DKK2: variants seen among roughly 807,000 people sequenced by gnomAD.
DKK2 encodes the protein dickkopf Wnt signaling pathway inhibitor 2, also known as dickkopf-related protein 2.
A neutral mutation model predicts 28.1 loss-of-function variants in DKK2; 11 were observed. That is an observed-to-expected ratio of 0.39 (90% CI 0.25 to 0.65). DKK2 has a LOEUF of 0.65. DKK2 is among the 30% of genes least tolerant of loss of function. The pLI, the probability that DKK2 is intolerant of heterozygous loss-of-function variation, is 0.47. For synonymous variants in DKK2, 135 were observed against 126.5 expected, an observed-to-expected ratio of 1.07 and a Z score of -0.45; for missense variants, 326 against 335.5, an observed-to-expected ratio of 0.97 and a Z score of 0.22.
chr4:106,923,972 A>C lies in DKK2; in HGVS notation c.762T>G (p.His254Gln). 1 of 1,613,872 alleles carries C rather than the reference A, an allele frequency of 6.2e-7. No homozygotes were observed. Among genetic ancestry groups the C allele is most frequent in the Non-Finnish European group, 8.5e-7 (1 of 1,179,776 alleles). The change falls in exon 4 of 4, where the codon CAT becomes CAG. Residue 254 changes from histidine to glutamine, a missense_variant. By Grantham distance (24) the His-to-Gln change is conservative. Transcript: ENST00000285311. ...DATYSSKARL[H>Q]VCQKI ...ATGGTGATCAAATTTTCTGACACAC[A>C]TGGAGTCTGGCTTTGGAGGAGTAGG...
At chr4:107,020,782 T>C (rs1055994628) in intron 1 of DKK2, among the ~76,000 whole-genome samples, 44 of 152,114 alleles carry the variant, frequency 2.9e-4, no homozygotes, top group Admixed American at 2.9e-3. Flanking sequence ...TGTGTGTGTC[T>C]CTGTGCGCAC....
At chr4:106,959,268 C>G (rs1483966695) in intron 1 of DKK2, among the ~76,000 whole-genome samples, 1 of 152,052 alleles carries the variant, frequency 6.6e-6, no homozygotes, top group East Asian at 1.9e-4. Context: ...TCCACATCAC[C>G]AAAAGCTCAT....
rs1578360961 is a variant in DKK2 at position 106,967,042 on chromosome 4, A to C, written c.223-41093T>G. Among the ~76,000 whole-genome samples, 6 of 152,302 alleles carry C rather than the reference A, an allele frequency of 3.9e-5. No homozygotes were observed. In the East Asian group the frequency reaches 1.2e-3, roughly 29 times the overall value. ...TTAAGTTTAAAGGAGGAACAACTGTATTTAAAGCTTTACAGTTACTAATAG... is the reference window on the plus strand; with the variant it reads ...TTAAGTTTAAAGGAGGAACAACTGTCTTTAAAGCTTTACAGTTACTAATAG... On this transcript the variant is annotated intron_variant, in intron 1 of 3. Transcript: ENST00000285311.
At chr4:107,028,997 A>T (rs1723835234) in intron 1 of DKK2, among the ~76,000 whole-genome samples, 1 of 152,120 alleles carries the variant, frequency 6.6e-6, no homozygotes, top group South Asian at 2.1e-4. Context: ...GAAAGAGTAG[A>T]AGAAAGGTAG....
chr4:107,020,068 C>T lies in DKK2; in HGVS notation c.222+15302G>A, dbSNP rs375122900. The stretch of plus-strand genomic sequence containing the variant: ...TTCTTTATTGATTTCTACTAAAAAA[C>T]AGGGTTATATTTTTAGGTCTTAATT... On this transcript the variant is annotated intron_variant, in intron 1 of 3. Transcript: ENST00000285311. Among the ~76,000 whole-genome samples the T allele has an allele frequency of 5.9e-5, 9 of 152,004 alleles. 1 individual carries two copies. Among genetic ancestry groups the T allele is most frequent in the Admixed American group, 5.9e-4 (9 of 15,246 alleles).
intron 1 of DKK2, among the ~76,000 whole-genome samples, chr4:106,978,971 C>T (rs1722986994): frequency 6.6e-6 from 1 of 152,134 alleles, no homozygotes; most frequent in Admixed American, 6.5e-5. Context: ...TGCACCACTC[C>T]TCACAGCACA....
At chr4:107,024,879 C>G (rs1041538369) in intron 1 of DKK2, among the ~76,000 whole-genome samples, 1 of 152,176 alleles carries the variant, frequency 6.6e-6, no homozygotes, top group African/African-American at 2.4e-5. Flanking sequence ...ATGCAGAAAT[C>G]GTAACCACCT....
At chr4:106,962,281 A>G (rs546244687) in intron 1 of DKK2, among the ~76,000 whole-genome samples, 1 of 152,296 alleles carries the variant, frequency 6.6e-6, no homozygotes, top group South Asian at 2.1e-4. Flanking sequence ...TATTAATGAC[A>G]TTCTTCCAGA....
intron 1 of DKK2, among the ~76,000 whole-genome samples, chr4:107,009,773 T>C (rs1289265173): frequency 6.6e-6 from 1 of 151,902 alleles, no homozygotes; most frequent in Non-Finnish European, 1.5e-5. Flanking sequence ...GAAGGGACAT[T>C]CTTGAACAAG....
At chr4:106,963,429 A>G (rs111729567) in intron 1 of DKK2, among the ~76,000 whole-genome samples, 29 of 152,284 alleles carry the variant, frequency 1.9e-4, no homozygotes, top group African/African-American at 6.3e-4. Flanking sequence ...GGTATATGAA[A>G]AAAGCTCAAC....
At chr4:106,999,233 A>C (rs1723321316) in intron 1 of DKK2, among the ~76,000 whole-genome samples, 1 of 152,240 alleles carries the variant, frequency 6.6e-6, no homozygotes, top group Admixed American at 6.5e-5. Context: ...CAGCCTGGGT[A>C]ATAGTAGGTT....
intron 1 of DKK2, among the ~76,000 whole-genome samples, chr4:107,032,827 T>C (rs1036547790): frequency 2.6e-5 from 4 of 152,192 alleles, no homozygotes; most frequent in Admixed American, 1.3e-4. Context: ...ATATTTACTA[T>C]TGTGATGCAT....
chr4:107,028,452 G>GT (rs1187056909), intron 1 of DKK2, among the ~76,000 whole-genome samples: 1 of 152,042 alleles, frequency 6.6e-6, no homozygotes, highest in East Asian at 1.9e-4. Flanking sequence ...ATTCTTCAGA[G>GT]TTTTTTTCAT....
intron 1 of DKK2, among the ~76,000 whole-genome samples, chr4:106,964,967 A>C (rs944834408): frequency 7.3e-6 from 1 of 137,082 alleles, no homozygotes; most frequent in Non-Finnish European, 1.6e-5. Context: ...AGATATAGAT[A>C]GATAGATAGA....
chr4:106,997,019 C>T (rs1394355555), intron 1 of DKK2, among the ~76,000 whole-genome samples: 3 of 152,110 alleles, frequency 2.0e-5, no homozygotes, highest in Non-Finnish European at 2.9e-5. Flanking sequence ...CAAATTGGCA[C>T]AGAATTGCCT....
chr4:106,941,364 A>C (rs971504335), intron 1 of DKK2, among the ~76,000 whole-genome samples: 1 of 152,136 alleles, frequency 6.6e-6, no homozygotes, highest in Non-Finnish European at 1.5e-5. Context: ...GCTTTGAACA[A>C]GATTGCTTGT....
At chr4:107,012,813 T>G (rs920802157) in intron 1 of DKK2, among the ~76,000 whole-genome samples, 1 of 151,206 alleles carries the variant, frequency 6.6e-6, no homozygotes, top group Non-Finnish European at 1.5e-5. Context: ...CAGAGGTATC[T>G]GCCTCTCCCT....
At chr4:106,979,857 C>T (rs1297144807) in intron 1 of DKK2, among the ~76,000 whole-genome samples, 1 of 152,188 alleles carries the variant, frequency 6.6e-6, no homozygotes, top group Non-Finnish European at 1.5e-5. Context: ...TTTGTTTGCT[C>T]AGCCATGACA....
intron 2 of DKK2, among the ~76,000 whole-genome samples, 169 bp from the exon 3 acceptor site, chr4:106,924,869 C>T (rs1376813003): frequency 1.3e-5 from 2 of 152,098 alleles, no homozygotes; most frequent in African/African-American, 4.8e-5. Context: ...CATACTTTGG[C>T]CCTAAAGTGA....
Sources: gnomAD v4.1 joint callset for allele counts (sites outside exome capture counted in the v4.1 genomes callset) on GRCh38, gnomAD v4.1.1 for gene constraint, MANE v1.5 for transcripts, NCBI Gene and HGNC (gene_info 2026-07-23, HGNC 2026-07-21) for gene names.